Variants in PELI2 observed in about 807,000 individuals in gnomAD.
The protein encoded by PELI2 is pellino E3 ubiquitin protein ligase family member 2.
A neutral mutation model predicts 42.3 loss-of-function variants in PELI2; 23 were observed. The observed-to-expected ratio is 0.54, with a 90% CI of 0.39 to 0.77. The LOEUF (loss-of-function observed/expected upper bound fraction) is 0.77, where lower values mean the gene tolerates loss of function less well. Ranked by LOEUF, PELI2 falls within the 30% of genes least tolerant of loss-of-function variation. The probability of loss-of-function intolerance (pLI) is 0.00; values close to 1 mark genes in which losing one functional copy is unlikely to be tolerated. For missense variants in PELI2, 463 were observed against 553.2 expected, an observed-to-expected ratio of 0.84 and a Z score of 1.64; for synonymous variants, 245 against 212.2, an observed-to-expected ratio of 1.15 and a Z score of -1.34.
chr14:56,216,812 G>A (rs1479748), intron 2 of PELI2, among the ~76,000 whole-genome samples: 60,859 of 152,056 alleles, frequency 0.4, 13,034 homozygotes, highest in South Asian at 0.53. Context: ...TACTTACCCC[G>A]CAGACAGTTG....
chr14:56,133,168 A>AT (rs1321547403), intron 1 of PELI2, among the ~76,000 whole-genome samples: 1 of 152,206 alleles, frequency 6.6e-6, no homozygotes, highest in Non-Finnish European at 1.5e-5. Context: ...CATTTTAAAC[A>AT]TAATATATGT....
chr14:56,216,642 A>G (rs567123029), intron 2 of PELI2, among the ~76,000 whole-genome samples: 1 of 152,388 alleles, frequency 6.6e-6, no homozygotes, highest in African/African-American at 2.4e-5. Context: ...CTATGTGGTT[A>G]TAAACTGATG....
intron 3 of PELI2, among the ~76,000 whole-genome samples, chr14:56,281,495 A>C (rs1418679675): frequency 6.6e-6 from 1 of 152,146 alleles, no homozygotes; most frequent in Non-Finnish European, 1.5e-5. Flanking sequence ...GTAACATTGT[A>C]AAGTACAGGC....
At chr14:56,143,548 A>G (rs1595552734) in intron 1 of PELI2, among the ~76,000 whole-genome samples, 1 of 151,782 alleles carries the variant, frequency 6.6e-6, no homozygotes, top group East Asian at 1.9e-4. Context: ...TATTTCCTTT[A>G]TTTCTTTTTT....
At chr14:56,278,349 A>C (rs1326948381) in intron 2 of PELI2, among the ~76,000 whole-genome samples, 1 of 152,204 alleles carries the variant, frequency 6.6e-6, no homozygotes, top group South Asian at 2.1e-4. Context: ...TGATTACCAC[A>C]AAAGTTAATT....
chr14:56,201,443 T>G (rs186042125), intron 2 of PELI2, among the ~76,000 whole-genome samples: 4 of 152,210 alleles, frequency 2.6e-5, no homozygotes, highest in Admixed American at 2.6e-4. Context: ...GAGCTGGGGA[T>G]TTAAACAACT....
intron 2 of PELI2, among the ~76,000 whole-genome samples, chr14:56,243,352 TGAGGCCCCTGATG>T (rs1374587859): frequency 2.6e-5 from 4 of 152,144 alleles, no homozygotes; most frequent in Non-Finnish European, 4.4e-5. Context: ...GTTATTGCAG[TGAGGCCCCTGATG>T]GAGCTAACAG....
Position 56,118,791 on chromosome 14 carries a change from A to G in PELI2, c.77+54A>G, listed in dbSNP as rs1882947643. ...AGCGGCGCGGGCGGGGAGCGCCCGC[A>G]TCCTGGAGCGGGGCTGGCGGGGTGG... is the stretch of plus-strand genomic sequence containing the variant. On this transcript the variant is annotated intron_variant, in intron 1 of 5. Coordinates refer to ENST00000267460, the MANE Select transcript of PELI2 (RefSeq NM_021255.3). 5.6e-6 allele frequency: 7 copies of G among 1,249,928 alleles called. No individual in the cohort carries two copies. In the South Asian group the frequency reaches 7.2e-5, roughly 13 times the overall value. The allele number at this position is 1,249,928 out of a possible 1,614,324, so 77.4% of individuals were successfully genotyped here.
intron 2 of PELI2, among the ~76,000 whole-genome samples, chr14:56,240,326 T>C (rs911939888): frequency 6.6e-6 from 1 of 151,918 alleles, no homozygotes; most frequent in African/African-American, 2.4e-5. Flanking sequence ...GGGGATGGAC[T>C]CCAGAGATGC....
intron 2 of PELI2, among the ~76,000 whole-genome samples, chr14:56,278,076 G>T (rs567683959): frequency 2.0e-4 from 31 of 152,120 alleles, no homozygotes; most frequent in Non-Finnish European, 3.4e-4. Context: ...TGATATATTT[G>T]TAAATTGAAT....
chr14:56,250,804 C>A (rs1888318283), intron 2 of PELI2, among the ~76,000 whole-genome samples: 1 of 152,156 alleles, frequency 6.6e-6, no homozygotes. Context: ...TCACAGGCAC[C>A]CACCGAACAA....
intron 2 of PELI2, among the ~76,000 whole-genome samples, chr14:56,194,258 C>T (rs1886052744): frequency 6.6e-6 from 1 of 152,134 alleles, no homozygotes; most frequent in South Asian, 2.1e-4. Flanking sequence ...CTCAGGTGCC[C>T]CTGTTCCTGT....
intron 2 of PELI2, among the ~76,000 whole-genome samples, chr14:56,249,534 G>A (rs747274601): frequency 1.3e-5 from 2 of 152,072 alleles, no homozygotes; most frequent in African/African-American, 2.4e-5. Flanking sequence ...GATATTTCTG[G>A]GACTATTAGG....
intron 1 of PELI2, among the ~76,000 whole-genome samples, chr14:56,150,833 C>T (rs113328011): frequency 0.042 from 6,450 of 152,216 alleles, 154 homozygotes; most frequent in Middle Eastern, 0.082. Context: ...GACAGCTGGT[C>T]GGGCAACCCT....
intron 1 of PELI2, among the ~76,000 whole-genome samples, chr14:56,126,610 G>A (rs1295865935): frequency 9.2e-5 from 14 of 152,120 alleles, no homozygotes; most frequent in Non-Finnish European, 1.6e-4. Flanking sequence ...CAAGTGCCTC[G>A]GAGGACCTCG....
chr14:56,225,047 T>C (rs1047281454), intron 2 of PELI2, among the ~76,000 whole-genome samples: 2 of 152,214 alleles, frequency 1.3e-5, no homozygotes, highest in African/African-American at 2.4e-5. Context: ...GATGTCCCCA[T>C]AGCCTACCGT....
At chr14:56,183,248 G>A (rs1594617858) in intron 2 of PELI2, among the ~76,000 whole-genome samples, 2 of 152,176 alleles carry the variant, frequency 1.3e-5, no homozygotes, top group African/African-American at 2.4e-5. Flanking sequence ...AAAAATAACA[G>A]TAATAAAACA....
intron 1 of PELI2, among the ~76,000 whole-genome samples, chr14:56,164,747 TC>T (rs1231251237): frequency 6.6e-6 from 1 of 152,160 alleles, no homozygotes; most frequent in Non-Finnish European, 1.5e-5. Context: ...TTGGATTTCT[TC>T]CTGGTTCAAT....
chr14:56,144,744 G>A (rs951478400), intron 1 of PELI2, among the ~76,000 whole-genome samples: 8 of 152,188 alleles, frequency 5.3e-5, no homozygotes, highest in African/African-American at 1.9e-4. Flanking sequence ...CATGATGAAT[G>A]TAAAATAGCA....
Sources: gnomAD v4.1 joint callset for allele counts (sites outside exome capture counted in the v4.1 genomes callset) on GRCh38, gnomAD v4.1.1 for gene constraint, MANE v1.5 for transcripts, NCBI Gene and HGNC (gene_info 2026-07-23, HGNC 2026-07-21) for gene names.